FAAH2: variants seen among roughly 807,000 people sequenced by gnomAD.
FAAH2 encodes fatty acid amide hydrolase 2, also known as fatty-acid amide hydrolase 2.
Under a neutral mutation model 36.9 loss-of-function variants are expected in FAAH2, and 60 were observed. The ratio of observed to expected loss-of-function variants is 1.63; its 90% CI spans 1.32 to 2.02. The LOEUF (loss-of-function observed/expected upper bound fraction) is 2.02, where lower values mean the gene tolerates loss of function less well. Ranked by LOEUF, FAAH2 falls within the 30% of genes most tolerant of loss-of-function variation. The pLI is 0.00. For missense variants in FAAH2, 689 were observed against 397.5 expected (o/e 1.73, Z -6.23); for synonymous variants, 214 against 143.8 (o/e 1.49, Z -3.49).
intron 7 of FAAH2, among the ~76,000 whole-genome samples, chrX:57,431,420 A>G (rs924359041): frequency 2.7e-5 from 3 of 111,674 alleles, no homozygotes; most frequent in Non-Finnish European, 5.6e-5. Flanking sequence ...AGCTTCCACC[A>G]CTGCTCTAAG....
intron 4 of FAAH2, among the ~76,000 whole-genome samples, chrX:57,338,101 T>C (rs184580150): frequency 3.7e-4 from 41 of 111,689 alleles, no homozygotes; most frequent in African/African-American, 1.3e-3. Context: ...CAAACAGGCT[T>C]TGTGTGAGCA....
chrX:57,396,084 C>T (rs776407809), intron 7 of FAAH2, among the ~76,000 whole-genome samples: 2 of 111,414 alleles, frequency 1.8e-5, no homozygotes, highest in Admixed American at 9.6e-5. Context: ...TTGTATGTGT[C>T]CAGGAAGTAT....
chrX:57,181,319 T>C, the FAAH2 span, among the ~76,000 whole-genome samples: 2 of 111,938 alleles, frequency 1.8e-5, no homozygotes, highest in African/African-American at 6.5e-5. Flanking sequence ...GCAGACCACA[T>C]GATTCTATAT....
At chrX:57,416,420 C>A (rs907408981) in intron 7 of FAAH2, among the ~76,000 whole-genome samples, 3 of 110,898 alleles carry the variant, frequency 2.7e-5, no homozygotes, top group Non-Finnish European at 5.7e-5. Flanking sequence ...GTAAGGCAGG[C>A]CTGGTGGTGA....
chrX:57,379,813 A>ATTTT (rs34967842), intron 6 of FAAH2, among the ~76,000 whole-genome samples: 9,006 of 101,567 alleles, frequency 0.089, 775 homozygotes, highest in African/African-American at 0.25. Context: ...AAGTCCCTGA[A>ATTTT]TTTTTTTTTT....
intron 7 of FAAH2, among the ~76,000 whole-genome samples, chrX:57,426,283 A>G (rs1012655359): frequency 8.9e-6 from 1 of 112,145 alleles, no homozygotes; most frequent in South Asian, 3.6e-4. Context: ...ACTAGAACTA[A>G]GGAAAGATAT....
chrX:57,441,548 A>C (rs1424255339), intron 8 of FAAH2, among the ~76,000 whole-genome samples: 2 of 109,486 alleles, frequency 1.8e-5, no homozygotes, highest in Non-Finnish European at 3.8e-5. Flanking sequence ...TTTTCAAAAA[A>C]ACCAGCTCCT....
At chrX:57,290,328 G>T in intron 1 of FAAH2, 1 of 724,156 alleles carries the variant, frequency 1.4e-6, no homozygotes, top group Non-Finnish European at 1.6e-6. Flanking sequence ...GACAATCCAG[G>T]CTCTTAATGC....
the FAAH2 span, among the ~76,000 whole-genome samples, chrX:57,241,774 A>G: frequency 9.0e-6 from 1 of 111,507 alleles, no homozygotes; most frequent in Admixed American, 9.5e-5. Flanking sequence ...GCTCCCACTT[A>G]TAAGTAAGAA....
the FAAH2 span, among the ~76,000 whole-genome samples, chrX:57,214,699 A>G: frequency 8.9e-6 from 1 of 111,864 alleles, no homozygotes; most frequent in East Asian, 2.8e-4. Flanking sequence ...GGAGTATGAT[A>G]CATGAAGCAT....
chrX:57,262,358 A>G, the FAAH2 span, among the ~76,000 whole-genome samples: 1 of 111,942 alleles, frequency 8.9e-6, no homozygotes, highest in Non-Finnish European at 1.9e-5. Context: ...GAAGATAATT[A>G]TATCAATAAT....
At chrX:57,409,401 C>T (rs1481647383) in intron 7 of FAAH2, among the ~76,000 whole-genome samples, 5 of 110,993 alleles carry the variant, frequency 4.5e-5, no homozygotes, top group Non-Finnish European at 9.5e-5. Flanking sequence ...TAATGCTGGG[C>T]TTGTAGAATA....
intron 7 of FAAH2, among the ~76,000 whole-genome samples, chrX:57,428,189 G>A (rs1294253769): frequency 8.9e-6 from 1 of 111,765 alleles, no homozygotes; most frequent in African/African-American, 3.2e-5. Flanking sequence ...TTTAACCAAG[G>A]AAGTGAAAAA....
At chrX:57,351,422 T>G (rs1389055745) in intron 5 of FAAH2, among the ~76,000 whole-genome samples, 1 of 111,141 alleles carries the variant, frequency 9.0e-6, no homozygotes, top group Non-Finnish European at 1.9e-5. Context: ...ATGATGCATA[T>G]TAAGCAACTA....
chrX:57,303,979 G>A (rs6612773), intron 2 of FAAH2, among the ~76,000 whole-genome samples: 1 of 110,269 alleles, frequency 9.1e-6, no homozygotes, highest in African/African-American at 3.3e-5. Context: ...GGCTGAGGCG[G>A]GCAGATTACC....
chrX:57,471,987 T>A (rs1452446678), intron 10 of FAAH2, among the ~76,000 whole-genome samples: 2 of 111,809 alleles, frequency 1.8e-5, no homozygotes, highest in East Asian at 5.6e-4. Flanking sequence ...AAACAAGAAA[T>A]GAGGAAAGGA....
At chrX:57,416,212 C>G (rs2055838155) in intron 7 of FAAH2, among the ~76,000 whole-genome samples, 1 of 111,404 alleles carries the variant, frequency 9.0e-6, no homozygotes, top group African/African-American at 3.3e-5. Flanking sequence ...AATTGGGACA[C>G]TTAGCCTGTT....
intron 5 of FAAH2, among the ~76,000 whole-genome samples, chrX:57,357,658 G>C (rs1408020098): frequency 9.0e-6 from 1 of 111,629 alleles, no homozygotes; most frequent in Non-Finnish European, 1.9e-5. Flanking sequence ...GCCAGTTAGA[G>C]TGGCGATAAT....
chrX:57,442,750 G>C (rs56092657), intron 8 of FAAH2, among the ~76,000 whole-genome samples: 9,942 of 111,551 alleles, frequency 0.089, 429 homozygotes, highest in Non-Finnish European at 0.13. Flanking sequence ...GCTGTTACTG[G>C]TTGTTCCTTT....
Sources: allele counts gnomAD v4.1 joint callset (sites outside exome capture counted in the v4.1 genomes callset), GRCh38; gene constraint gnomAD v4.1.1; transcripts MANE v1.5; gene names NCBI Gene and HGNC (gene_info 2026-07-23, HGNC 2026-07-21).